Variants in PRDM16 observed in about 807,000 individuals in gnomAD.
PRDM16 encodes PR/SET domain 16, also known as histone-lysine N-methyltransferase PRDM16.
A neutral mutation model predicts 110.6 loss-of-function variants in PRDM16; 23 were observed. The observed-to-expected ratio is 0.21, with a 90% CI of 0.15 to 0.29. The LOEUF (loss-of-function observed/expected upper bound fraction) is 0.29, where lower values mean the gene tolerates loss of function less well. Ranked by LOEUF, PRDM16 falls within the 10% of genes least tolerant of loss-of-function variation. PRDM16 has a pLI of 1.00. For missense variants in PRDM16, 1,615 were observed against 1,794.3 expected, an observed-to-expected ratio of 0.90 and a Z score of 1.81; for synonymous variants, 799 against 781.8, an observed-to-expected ratio of 1.02 and a Z score of -0.37.
chr1:3,182,346 G>C (rs1047766126), intron 1 of PRDM16, among the ~76,000 whole-genome samples: 2 of 152,224 alleles, frequency 1.3e-5, no homozygotes, highest in South Asian at 2.1e-4. Flanking sequence ...GTGTGGCCCT[G>C]GCAGGTGGAC....
chr1:3,331,870 C>CG (rs1044523072), intron 3 of PRDM16, among the ~76,000 whole-genome samples: 1 of 152,192 alleles, frequency 6.6e-6, no homozygotes, highest in Non-Finnish European at 1.5e-5. Flanking sequence ...CACACAGCCC[C>CG]GGGGGGCCTC....
chr1:3,241,940 G>A (rs1215972936), intron 2 of PRDM16, among the ~76,000 whole-genome samples: 2 of 152,212 alleles, frequency 1.3e-5, no homozygotes, highest in East Asian at 1.9e-4. Flanking sequence ...AGCCCCCTCC[G>A]AATGTGAGGT....
chr1:3,118,696 G>A (rs1325524637), intron 1 of PRDM16, among the ~76,000 whole-genome samples: 2 of 152,214 alleles, frequency 1.3e-5, no homozygotes, highest in Non-Finnish European at 2.9e-5. Flanking sequence ...GGGGTGTCAG[G>A]GACCCCCAGA....
rs1371106969 is a variant in PRDM16 at position 3,339,993 on chromosome 1, C to T, written c.439-45159C>T. ...CGTGCCTCCTCCTCTCCCTGGGACC[C>T]GCGTGAAATTTCTGTCTGATGCTCC... On this transcript the variant is annotated intron_variant, in intron 3 of 16. Coordinates refer to ENST00000270722, the MANE Select transcript of PRDM16 (RefSeq NM_022114.4). This position sits in a 1 kb window ranked among gnomAD's most constrained non-coding sequence, Gnocchi z 5.0. Among the ~76,000 whole-genome samples, 5 of 152,286 alleles carry T rather than the reference C, an allele frequency of 3.3e-5. No individual in the cohort carries two copies. In the East Asian group the frequency reaches 5.8e-4, roughly 18 times the overall value.
intron 3 of PRDM16, among the ~76,000 whole-genome samples, chr1:3,297,675 C>T (rs939969817): frequency 6.6e-6 from 1 of 152,102 alleles, no homozygotes. Context: ...GGGGATGAGG[C>T]TCCTGGCATC....
intron 1 of PRDM16, among the ~76,000 whole-genome samples, chr1:3,096,292 C>T (rs1642397971): frequency 6.6e-6 from 1 of 152,166 alleles, no homozygotes; most frequent in Non-Finnish European, 1.5e-5. Flanking sequence ...AGCCTCCTCG[C>T]TGTCCTGTCC....
chr1:3,379,697 G>C (rs1284095878), intron 3 of PRDM16, among the ~76,000 whole-genome samples: 1 of 3,250 alleles, frequency 3.1e-4, no homozygotes, highest in Non-Finnish European at 4.7e-4. Context: ...TCCCAACACA[G>C]TCCTCCCAGC....
In PRDM16 at chr1:3,426,186, A is replaced by G. The variant is rs372177790; in HGVS notation, c.3245A>G (p.Asn1082Ser). 12 of 1,613,848 alleles carry G rather than the reference A, an allele frequency of 7.4e-6. No homozygotes were observed. The African/African-American group carries it at 9.3e-5, about 13-fold the overall frequency. ...YFSEIRNFIA[N>S]SEMNQASTRT... ...TCGGAAATCAGAAACTTTATTGCCAATAGTGAGATGAACCAAGCATCAACG... is the reference window on the plus strand; with the variant it reads ...TCGGAAATCAGAAACTTTATTGCCAGTAGTGAGATGAACCAAGCATCAACG... The change falls in exon 14 of 17, where the codon AAT becomes AGT. Residue 1082 changes from asparagine to serine, a missense_variant. Physicochemically the swap from Asn to Ser is conservative, Grantham distance 46. Around this residue, in one of 5 missense-constraint regions of PRDM16, gnomAD observed 327 missense variants for 359.3 expected, o/e 0.91. Coordinates refer to ENST00000270722, the MANE Select transcript of PRDM16 (RefSeq NM_022114.4).
chr1:3,341,569 G>A (rs981609735), intron 3 of PRDM16, among the ~76,000 whole-genome samples: 20 of 152,192 alleles, frequency 1.3e-4, no homozygotes, highest in African/African-American at 4.1e-4. Context: ...ACACACACGC[G>A]TGCGCACACA....
At chr1:3,144,252 C>A (rs1482666423) in intron 1 of PRDM16, among the ~76,000 whole-genome samples, 1 of 152,190 alleles carries the variant, frequency 6.6e-6, no homozygotes, top group Non-Finnish European at 1.5e-5. Flanking sequence ...AGGGACCCAG[C>A]CCCGGTACAT....
chr1:3,140,370 C>T (rs1167641759), intron 1 of PRDM16, among the ~76,000 whole-genome samples: 1 of 152,222 alleles, frequency 6.6e-6, no homozygotes, highest in East Asian at 1.9e-4. Flanking sequence ...CACATAGGGC[C>T]CCCAACTCAG....
chr1:3,166,090 C>T (rs1305263037), intron 1 of PRDM16, among the ~76,000 whole-genome samples: 2 of 152,238 alleles, frequency 1.3e-5, no homozygotes, highest in African/African-American at 2.4e-5. Flanking sequence ...CTTTCCTGTT[C>T]CTGGGTCTGA....
chr1:3,126,645 C>T (rs1319263080), intron 1 of PRDM16, among the ~76,000 whole-genome samples: 1 of 152,172 alleles, frequency 6.6e-6, no homozygotes, highest in Non-Finnish European at 1.5e-5. Context: ...CAGGAGCCTC[C>T]AGCCCTGGGC....
chr1:3,349,459 C>T (rs923107542), intron 3 of PRDM16, among the ~76,000 whole-genome samples: 12 of 152,168 alleles, frequency 7.9e-5, no homozygotes, highest in Admixed American at 3.3e-4. Context: ...CTGCACTGCC[C>T]GTCTCCACCC....
intron 3 of PRDM16, among the ~76,000 whole-genome samples, chr1:3,338,935 G>A (rs934493291): frequency 6.6e-6 from 1 of 152,228 alleles, no homozygotes; most frequent in Admixed American, 6.5e-5. Context: ...CTGTGCGGCT[G>A]TGCTGAGCTC....
At chr1:3,180,731 G>T (rs1644141056) in intron 1 of PRDM16, among the ~76,000 whole-genome samples, 1 of 148,548 alleles carries the variant, frequency 6.7e-6, no homozygotes, top group Admixed American at 6.6e-5. Flanking sequence ...CCTCCTGAGG[G>T]GTCTCCAGAC....
intron 3 of PRDM16, among the ~76,000 whole-genome samples, chr1:3,288,783 C>T (rs1640911368): frequency 6.6e-6 from 1 of 152,290 alleles, no homozygotes. Flanking sequence ...CCCTGCCTTG[C>T]AGCAGGGAGC....
intron 4 of PRDM16, among the ~76,000 whole-genome samples, chr1:3,385,951 C>G (rs1483124061): frequency 1.3e-5 from 2 of 152,230 alleles, no homozygotes; most frequent in South Asian, 2.1e-4. Context: ...GCATCCAGAC[C>G]CACAGGCTGA....
chr1:3,293,022 G>A (rs552065277), intron 3 of PRDM16, among the ~76,000 whole-genome samples: 2 of 152,388 alleles, frequency 1.3e-5, no homozygotes, highest in East Asian at 3.9e-4. Context: ...TCTTTCTGCA[G>A]TTAATTACTA....
Sources: gnomAD v4.1 joint callset for allele counts (sites outside exome capture counted in the v4.1 genomes callset) on GRCh38, gnomAD v4.1.1 for gene constraint, gnomAD v4.1.1 regional missense constraint, Gnocchi (gnomAD v3.1) non-coding constraint, MANE v1.5 for transcripts, NCBI Gene and HGNC (gene_info 2026-07-23, HGNC 2026-07-21) for gene names.